SLC4A4: variants seen among roughly 807,000 people sequenced by gnomAD.
The protein encoded by SLC4A4 is solute carrier family 4 member 4.
In SLC4A4, 27 loss-of-function variants were observed where a neutral mutation model predicts 111.5. The observed-to-expected ratio is 0.24, with a 90% CI of 0.18 to 0.33. The LOEUF is 0.33. Ranked by LOEUF, SLC4A4 falls within the 10% of genes least tolerant of loss-of-function variation. The pLI is 1.00. For synonymous variants in SLC4A4, 443 were observed against 463.4 expected, an observed-to-expected ratio of 0.96 and a Z score of 0.57; for missense variants, 909 against 1,315.5, an observed-to-expected ratio of 0.69 and a Z score of 4.78.
chr4:71,144,326 A>G (rs1446055714), intron 2 of SLC4A4, among the ~76,000 whole-genome samples: 1 of 152,178 alleles, frequency 6.6e-6, no homozygotes, highest in African/African-American at 2.4e-5. Context: ...TGGTACCAGT[A>G]CCATTTTGTT....
At chr4:71,182,441 G>T (rs62302433), upstream of SLC4A4, among the ~76,000 whole-genome samples, 1 of 152,056 alleles carries the variant, frequency 6.6e-6, no homozygotes, top group Non-Finnish European at 1.5e-5. Context: ...TCCAAGATAG[G>T]CCTGGTCTAA....
intron 3 of SLC4A4, among the ~76,000 whole-genome samples, chr4:71,316,528 ATTAC>A (rs1726697401): frequency 1.3e-5 from 2 of 152,068 alleles, no homozygotes; most frequent in Non-Finnish European, 2.9e-5. Flanking sequence ...GTTTTTGAAA[ATTAC>A]TTATTTATTT....
Position 71,447,711 on chromosome 4 carries a change from T to C in SLC4A4, c.1031T>C (p.Ile344Thr). 6.2e-7 allele frequency: 1 copy of C among 1,611,262 alleles called. No individual in the cohort carries two copies. Among genetic ancestry groups the C allele is most frequent in the Non-Finnish European group, 8.5e-7 (1 of 1,177,632 alleles). Residue 344 changes from isoleucine to threonine, a missense_variant, in exon 9 of 26, where the codon ATT (isoleucine) becomes ACT (threonine). Ile to Thr is a moderately conservative substitution (Grantham distance 89). Transcript: ENST00000264485. ...TCCTACCACGAGATTGGCAGAGCCA[T>C]TGCCACCCTGATGTCTGATGAGGTA... ...AKSYHEIGRA[I>T]ATLMSDEVFH...
In SLC4A4 at chr4:71,295,390, G is replaced by A. The variant is rs577905454; in HGVS notation, c.253+39991G>A. Among the ~76,000 whole-genome samples, 4 of 152,172 alleles carry A rather than the reference G, an allele frequency of 2.6e-5. No homozygotes were observed. The East Asian group carries it at 7.7e-4, about 29-fold the overall frequency. On this transcript the variant is annotated intron_variant, in intron 3 of 25. Transcript: ENST00000264485. Reference sequence around the variant, plus strand: ...CCCCTGGACTGGTACTTTCATTGTGGGATGTATACATCCTTTTAAATATCA... The same window carrying A: ...CCCCTGGACTGGTACTTTCATTGTGAGATGTATACATCCTTTTAAATATCA...
intron 3 of SLC4A4, among the ~76,000 whole-genome samples, chr4:71,325,231 C>G (rs909840500): frequency 6.6e-6 from 1 of 151,512 alleles, no homozygotes. Context: ...CTCTCCAAAA[C>G]TTGGATTCCA....
intron 12 of SLC4A4, among the ~76,000 whole-genome samples, chr4:71,458,982 TA>T (rs1726551448): frequency 1.3e-5 from 2 of 152,092 alleles, no homozygotes; most frequent in African/African-American, 4.8e-5. Flanking sequence ...TTTTGGTAGG[TA>T]AAAATAAATA....
chr4:71,438,324 C>T (rs1363030396), intron 7 of SLC4A4, among the ~76,000 whole-genome samples: 1 of 152,188 alleles, frequency 6.6e-6, no homozygotes, highest in Non-Finnish European at 1.5e-5. Flanking sequence ...TTCCAATCTC[C>T]ACTCCACACT....
chr4:71,502,800 T>G (rs992899222), intron 16 of SLC4A4, among the ~76,000 whole-genome samples: 1 of 152,210 alleles, frequency 6.6e-6, no homozygotes, highest in Non-Finnish European at 1.5e-5. Context: ...GAATGTGTAT[T>G]CTGTAGCAGT....
chr4:71,547,786 G>A (rs1735662908), intron 20 of SLC4A4, 66 bp downstream of exon 20: 1 of 1,321,214 alleles, frequency 7.6e-7, no homozygotes, highest in South Asian at 1.2e-5. Flanking sequence ...CATGTGAAGA[G>A]TGAAATTCCT....
chr4:71,364,093 C>G (rs1392130980), intron 6 of SLC4A4, among the ~76,000 whole-genome samples: 3 of 152,180 alleles, frequency 2.0e-5, no homozygotes, highest in Admixed American at 6.5e-5. Flanking sequence ...CTATTCCACT[C>G]TTTATAGCAA....
At chr4:71,125,245 A>G (rs1232293176) in intron 2 of SLC4A4, among the ~76,000 whole-genome samples, 2 of 152,222 alleles carry the variant, frequency 1.3e-5, no homozygotes, top group Admixed American at 6.5e-5. Flanking sequence ...CCAAGGTGTT[A>G]CTTTTATTCA....
chr4:71,112,251 C>T (rs768547487), intron 2 of SLC4A4, among the ~76,000 whole-genome samples: 1 of 152,156 alleles, frequency 6.6e-6, no homozygotes, highest in African/African-American at 2.4e-5. Flanking sequence ...GAGTAGCATT[C>T]GGTTAGTTTT....
intron 25 of SLC4A4, among the ~76,000 whole-genome samples, chr4:71,567,295 C>T (rs768979080): frequency 6.6e-6 from 1 of 151,696 alleles, no homozygotes; most frequent in African/African-American, 2.4e-5. Flanking sequence ...TGGAATCTTT[C>T]AGTATCATTA....
intron 15 of SLC4A4, among the ~76,000 whole-genome samples, chr4:71,495,138 G>A (rs1187585354): frequency 6.6e-6 from 1 of 152,004 alleles, no homozygotes; most frequent in Non-Finnish European, 1.5e-5. Context: ...ACAAAATAGT[G>A]ATCATTTGGC....
At chr4:71,488,990 G>A (rs554540940) in intron 15 of SLC4A4, among the ~76,000 whole-genome samples, 4 of 149,576 alleles carry the variant, frequency 2.7e-5, no homozygotes, top group East Asian at 2.0e-4. Context: ...ATCATTACCC[G>A]TATTTATATG....
At chr4:71,114,427 A>G (rs1225872967) in intron 2 of SLC4A4, among the ~76,000 whole-genome samples, 1 of 150,326 alleles carries the variant, frequency 6.7e-6, no homozygotes, top group Non-Finnish European at 1.5e-5. Context: ...AATTTTCGCA[A>G]CCTACTCATC....
At chr4:71,135,778 T>C (rs1314151138) in intron 2 of SLC4A4, among the ~76,000 whole-genome samples, 1 of 152,148 alleles carries the variant, frequency 6.6e-6, no homozygotes, top group Admixed American at 6.5e-5. Flanking sequence ...TTTGCTTTTA[T>C]GAGTTCACCT....
chr4:71,149,171 C>G (rs1744253616), intron 2 of SLC4A4, among the ~76,000 whole-genome samples: 1 of 152,082 alleles, frequency 6.6e-6, no homozygotes, highest in African/African-American at 2.4e-5. Context: ...GCCAGGTGTA[C>G]TCAGTGAGTT....
intron 3 of SLC4A4, among the ~76,000 whole-genome samples, chr4:71,320,146 A>G (rs1343007096): frequency 6.6e-6 from 1 of 151,998 alleles, no homozygotes; most frequent in African/African-American, 2.4e-5. Context: ...CTTCCACACC[A>G]CTTGCAAGCA....
Sources: gnomAD v4.1 joint callset for allele counts (sites outside exome capture counted in the v4.1 genomes callset) on GRCh38, gnomAD v4.1.1 for gene constraint, MANE v1.5 for transcripts, NCBI Gene and HGNC (gene_info 2026-07-23, HGNC 2026-07-21) for gene names.